Variants in FGF12 observed in about 807,000 individuals in gnomAD.
FGF12 encodes the protein fibroblast growth factor 12.
FGF12 carries 14 observed loss-of-function variants against 23.6 expected under a neutral mutation model. The observed-to-expected ratio is 0.59, with a 90% CI of 0.39 to 0.93. The LOEUF (loss-of-function observed/expected upper bound fraction) is 0.93, where lower values mean the gene tolerates loss of function less well. Among genes scored for constraint, FGF12 ranks in the 40% least tolerant of loss-of-function variants. The probability of loss-of-function intolerance (pLI) is 0.00; values close to 1 mark genes in which losing one functional copy is unlikely to be tolerated. For missense variants in FGF12, 175 were observed against 217.8 expected (o/e 0.80, Z 1.24); for synonymous variants, 62 against 77.3 (o/e 0.80, Z 1.04).
rs1722229706 is a variant in FGF12 at position 192,442,518 on chromosome 3, A to C, written c.14-81980T>G. 2.0e-5 allele frequency among the ~76,000 whole-genome samples: 3 copies of C among 152,244 alleles called. No homozygotes were observed. In the South Asian group the frequency reaches 6.2e-4, roughly 31 times the overall value. On this transcript the variant is annotated intron_variant, in intron 2 of 5. Transcript: ENST00000445105. Reference sequence around the variant, plus strand: ...GTGCCAGAGGGAAAAGAATCTGAAGATGCCCAAACAAGTTACAGATGTACT... The same window carrying C: ...GTGCCAGAGGGAAAAGAATCTGAAGCTGCCCAAACAAGTTACAGATGTACT...
intron 4 of FGF12, among the ~76,000 whole-genome samples, chr3:192,311,682 C>T (rs1715946719): frequency 6.6e-6 from 1 of 152,174 alleles, no homozygotes; most frequent in Admixed American, 6.5e-5. Context: ...ACTGTTGGGT[C>T]ATATAATAAC....
intron 2 of FGF12, among the ~76,000 whole-genome samples, chr3:192,439,605 G>A (rs191957017): frequency 1.3e-5 from 2 of 152,286 alleles, no homozygotes; most frequent in East Asian, 1.9e-4. Context: ...ATCTAGTGGT[G>A]GGAGAGACAG....
At chr3:192,262,762 T>A (rs891121816) in intron 4 of FGF12, among the ~76,000 whole-genome samples, 1 of 152,018 alleles carries the variant, frequency 6.6e-6, no homozygotes, top group Non-Finnish European at 1.5e-5. Flanking sequence ...TGTATCCCAA[T>A]CATTAAGTGA....
In FGF12 at chr3:192,210,321, C is replaced by T. The variant is rs531268895; in HGVS notation, c.229-39665G>A. ...GATTAAAAGAAGTCAGTAATTTAGA[C>T]GAATACTGACCTGCATATGTGTGAG... is the stretch of plus-strand genomic sequence containing the variant. On this transcript the variant is annotated intron_variant, in intron 4 of 5. Coordinates refer to ENST00000445105, the MANE Select transcript of FGF12 (RefSeq NM_004113.6). Among the ~76,000 whole-genome samples the T allele has an allele frequency of 1.1e-4, 16 of 152,096 alleles. 2 individuals carry two copies. The highest frequency in any genetic ancestry group is 2.1e-4 in the South Asian group (1 of 4,822).
At chr3:192,541,413 T>A (rs896591564) in intron 2 of FGF12, among the ~76,000 whole-genome samples, 2 of 152,134 alleles carry the variant, frequency 1.3e-5, no homozygotes, top group Non-Finnish European at 2.9e-5. Context: ...TAATTAAAAG[T>A]TTATATTTTA....
chr3:192,300,857 G>A (rs4687318), intron 4 of FGF12, among the ~76,000 whole-genome samples: 64,749 of 151,472 alleles, frequency 0.43, 15,006 homozygotes, highest in African/African-American at 0.62. Context: ...TCTCTCCTAA[G>A]AAATACAAAA....
intron 2 of FGF12, among the ~76,000 whole-genome samples, chr3:192,595,449 G>A (rs1875730): frequency 0.15 from 23,568 of 152,082 alleles, 1,863 homozygotes; most frequent in Middle Eastern, 0.19. Context: ...TCTTGGCCTC[G>A]GTGAGCCTTT....
chr3:192,347,128 A>C (rs544152298), intron 3 of FGF12, among the ~76,000 whole-genome samples: 39 of 152,274 alleles, frequency 2.6e-4, no homozygotes, highest in Admixed American at 7.2e-4. Context: ...AATTGAAGAC[A>C]AGTACTTTTT....
chr3:192,661,124 T>C (rs1417570688), intron 2 of FGF12, among the ~76,000 whole-genome samples: 1 of 152,082 alleles, frequency 6.6e-6, no homozygotes, highest in Non-Finnish European at 1.5e-5. Context: ...TTTATGGCAA[T>C]ATAGTCTAAA....
At chr3:192,272,000 C>T (rs1442272252) in intron 4 of FGF12, among the ~76,000 whole-genome samples, 1 of 152,086 alleles carries the variant, frequency 6.6e-6, no homozygotes, top group African/African-American at 2.4e-5. Context: ...TTTCTCTTAT[C>T]CAGTTCTAGG....
intron 2 of FGF12, among the ~76,000 whole-genome samples, chr3:192,411,814 G>C (rs1005853319): frequency 4.6e-5 from 7 of 152,210 alleles, no homozygotes; most frequent in African/African-American, 1.7e-4. Context: ...ATGAGGACTT[G>C]AGGAAATTAT....
intron 2 of FGF12, among the ~76,000 whole-genome samples, chr3:192,386,664 CT>C (rs1302840024): frequency 2.6e-5 from 4 of 151,918 alleles, no homozygotes; most frequent in Admixed American, 2.0e-4. Context: ...TCTATTTTTC[CT>C]TCTACATACA....
At chr3:192,639,290 G>A (rs1211003000) in intron 2 of FGF12, among the ~76,000 whole-genome samples, 1 of 152,162 alleles carries the variant, frequency 6.6e-6, no homozygotes, top group Non-Finnish European at 1.5e-5. Flanking sequence ...TTACCAAAGA[G>A]TTAAGAGATA....
chr3:192,339,219 G>A (rs12492933), intron 3 of FGF12, among the ~76,000 whole-genome samples: 44,661 of 151,822 alleles, frequency 0.29, 8,913 homozygotes, highest in African/African-American at 0.55. Flanking sequence ...CCTCCTAAAA[G>A]TCCCAAAAGG....
At chr3:192,462,450 G>A (rs1722892260) in intron 2 of FGF12, among the ~76,000 whole-genome samples, 1 of 152,120 alleles carries the variant, frequency 6.6e-6, no homozygotes, top group Non-Finnish European at 1.5e-5. Context: ...CTGGCCATGT[G>A]ATACCCTTTG....
At chr3:192,244,663 G>C (rs1211763932) in intron 4 of FGF12, among the ~76,000 whole-genome samples, 1 of 151,876 alleles carries the variant, frequency 6.6e-6, no homozygotes, top group African/African-American at 2.4e-5. Context: ...CTGTTCAAAG[G>C]GAAATAAATT....
chr3:192,316,932 C>A (rs1716255904), intron 4 of FGF12, among the ~76,000 whole-genome samples: 1 of 152,146 alleles, frequency 6.6e-6, no homozygotes, highest in Non-Finnish European at 1.5e-5. Context: ...GAGCACCAGT[C>A]ATGAGGCCTG....
At position 192,372,525 on chromosome 3, in the gene FGF12, A is replaced by C. The variant is rs553299649; in HGVS notation, c.14-11987T>G. On this transcript the variant is annotated intron_variant, in intron 2 of 5. Transcript: ENST00000445105. ...TCCAAGAACACATCCATCAGCCTTGATCCTGGTAAATTCAGGCACCGTGGT... is the reference window on the plus strand; with the variant it reads ...TCCAAGAACACATCCATCAGCCTTGCTCCTGGTAAATTCAGGCACCGTGGT... Among the ~76,000 whole-genome samples the C allele has an allele frequency of 2.0e-5, 3 of 152,206 alleles. No homozygotes were observed. In the South Asian group the frequency reaches 6.2e-4, roughly 32 times the overall value.
intron 2 of FGF12, among the ~76,000 whole-genome samples, chr3:192,712,805 G>A (rs1718738648): frequency 6.6e-6 from 1 of 151,830 alleles, no homozygotes; most frequent in African/African-American, 2.4e-5. Context: ...GAGGATGCAG[G>A]AGAACAAGAG....
Sources: allele counts gnomAD v4.1 joint callset (sites outside exome capture counted in the v4.1 genomes callset), GRCh38; gene constraint gnomAD v4.1.1; transcripts MANE v1.5; gene names NCBI Gene and HGNC (gene_info 2026-07-23, HGNC 2026-07-21).